The following SYTL2 variants were observed in gnomAD, a reference collection of about 807,000 sequenced individuals.
SYTL2 encodes the protein synaptotagmin-like protein 2.
Under a neutral mutation model 198.7 loss-of-function variants are expected in SYTL2, and 165 were observed. That is an observed-to-expected ratio of 0.83 (90% CI 0.73 to 0.94). The LOEUF (loss-of-function observed/expected upper bound fraction) is 0.94. Among genes scored for constraint, SYTL2 ranks in the 40% least tolerant of loss-of-function variants. The pLI is 0.00. For synonymous variants in SYTL2, 966 were observed against 917.7 expected (o/e 1.05, Z -0.95); for missense variants, 2,835 against 2,582.8 (o/e 1.10, Z -2.12).
chr11:85,752,998 C>T (rs542051588), intron 2 of SYTL2, among the ~76,000 whole-genome samples: 76 of 121,190 alleles, frequency 6.3e-4, no homozygotes, highest in African/African-American at 1.2e-3. Flanking sequence ...GATGTGGTGG[C>T]GGTTGAGATC....
Position 85,726,051 on chromosome 11 carries a change from A to C in SYTL2, c.3307T>G (p.Phe1103Val), listed in dbSNP as rs1312365387. ...KNTEGIVTPV[F>V]KEEKDYSEQE... Reference sequence around the variant, plus strand: ...TCTGAGTAATCCTTTTCTTCCTTAAACACTGGAGTAACAATCCCTTCCGTA... The same window carrying C: ...TCTGAGTAATCCTTTTCTTCCTTAACCACTGGAGTAACAATCCCTTCCGTA... The change falls in exon 8 of 20, where the codon TTT (phenylalanine) becomes GTT (valine). Residue 1103 changes from phenylalanine to valine, a missense_variant. Physicochemically the swap from Phe to Val is conservative, Grantham distance 50 (BLOSUM62 -1). Coordinates refer to ENST00000359152, the MANE Select transcript of SYTL2 (RefSeq NM_206927.4). 2.5e-6 allele frequency: 4 copies of C among 1,612,764 alleles called. No individual in the cohort carries two copies. The highest frequency in any genetic ancestry group is 3.4e-6 in the Non-Finnish European group (4 of 1,179,540).
intron 1 of SYTL2, among the ~76,000 whole-genome samples, chr11:85,773,898 A>C (rs1364998786): frequency 3.9e-5 from 6 of 152,196 alleles, no homozygotes; most frequent in Non-Finnish European, 1.5e-5. Flanking sequence ...CCTCTCTTTA[A>C]ACCAACTAAA....
At chr11:85,833,887 C>T in the SYTL2 span, among the ~76,000 whole-genome samples, 4 of 151,876 alleles carry the variant, frequency 2.6e-5, no homozygotes, top group African/African-American at 9.7e-5. Context: ...TACAAGCATA[C>T]GTCACCATGC....
chr11:85,827,273 G>A, the SYTL2 span, among the ~76,000 whole-genome samples: 1 of 152,146 alleles, frequency 6.6e-6, no homozygotes, highest in Non-Finnish European at 1.5e-5. Context: ...GCCCCTAGGT[G>A]GACCCCACTG....
Position 85,700,651 on chromosome 11 carries a change from T to C in SYTL2, c.6190-58A>G, listed in dbSNP as rs1348900306. ...ACAAACTTTTCATCCTGTTTGTTGGTATAGGTCTCATTACAGAACCATATC... is the reference window on the plus strand; with the variant it reads ...ACAAACTTTTCATCCTGTTTGTTGGCATAGGTCTCATTACAGAACCATATC... On this transcript the variant is annotated intron_variant, in intron 16 of 19. Transcript: ENST00000359152. 3.1e-6 allele frequency: 4 copies of C among 1,292,514 alleles called. No individual in the cohort carries two copies. In the Admixed American group the frequency reaches 6.7e-5, roughly 22 times the overall value. The allele number at this position is 1,292,514 out of a possible 1,614,324, so 80.1% of individuals were successfully genotyped here. A position where few individuals can be genotyped will look rare whatever the true frequency, so the allele number is the denominator to read the frequency against.
At position 85,717,493 on chromosome 11, in the gene SYTL2, G is replaced by C. The variant is rs371312801; in HGVS notation, c.5520C>G (p.Cys1840Trp). Reference protein sequence around the residue: ...KPDQKPVTNECVPRISTVPTQ... With the variant: ...KPDQKPVTNEWVPRISTVPTQ... ...GATCCTGCTACTCACTTCTTGGTAC[G>C]CATTCATTTGTAACTGGCTTCTGAT... Residue 1840 changes from cysteine to tryptophan, a missense_variant, in exon 11 of 20, where the codon TGC (cysteine) becomes TGG (tryptophan). By Grantham distance (215) the Cys-to-Trp change is radical (BLOSUM62 -2). Transcript: ENST00000359152. 2.5e-6 allele frequency: 4 copies of C among 1,612,348 alleles called. No individual in the cohort carries two copies. The highest frequency in any genetic ancestry group is 1.3e-5 in the African/African-American group (1 of 74,970).
intron 6 of SYTL2, 77 bp downstream of exon 6, chr11:85,736,424 A>G (rs1199323241): frequency 1.3e-6 from 1 of 741,008 alleles, no homozygotes; most frequent in Non-Finnish European, 2.2e-6. Flanking sequence ...TTATTTGAGC[A>G]AAAGGAACTC....
At chr11:85,820,737 A>C in the SYTL2 span, among the ~76,000 whole-genome samples, 1 of 152,238 alleles carries the variant, frequency 6.6e-6, no homozygotes, top group Non-Finnish European at 1.5e-5. Context: ...ATTCCTCAGC[A>C]CTGGGAAACA....
the SYTL2 span, among the ~76,000 whole-genome samples, chr11:85,834,382 G>T: frequency 2.0e-5 from 3 of 151,924 alleles, no homozygotes; most frequent in South Asian, 6.2e-4. Context: ...AGTCAAATCT[G>T]TCCATCCTTT....
At chr11:85,733,861 A>G (rs2090078715) in intron 7 of SYTL2, 78 bp downstream of exon 7, 2 of 1,184,798 alleles carry the variant, frequency 1.7e-6, no homozygotes, top group South Asian at 2.8e-5. Flanking sequence ...GGCCTCCCAA[A>G]GTGCTGGGAT....
At chr11:85,718,728 C>T (rs2087776998) in intron 10 of SYTL2, 62 bp downstream of exon 10, 3 of 1,522,864 alleles carry the variant, frequency 2.0e-6, no homozygotes, top group Non-Finnish European at 2.7e-6. Context: ...GTCCCGGAGA[C>T]TGCCCAAATC....
chr11:85,832,004 T>C, the SYTL2 span, among the ~76,000 whole-genome samples: 1 of 151,636 alleles, frequency 6.6e-6, no homozygotes, highest in African/African-American at 2.4e-5. Flanking sequence ...TCTGGAATAA[T>C]TCATTAATTA....
the SYTL2 span, among the ~76,000 whole-genome samples, chr11:85,840,355 G>T: frequency 6.6e-6 from 1 of 152,138 alleles, no homozygotes; most frequent in Non-Finnish European, 1.5e-5. Flanking sequence ...ACTCAAGAAA[G>T]CATTGCCCAG....
upstream of SYTL2, among the ~76,000 whole-genome samples, chr11:85,814,590 T>C (rs868524635): frequency 5.9e-5 from 9 of 152,194 alleles, no homozygotes; most frequent in Non-Finnish European, 4.4e-5. Context: ...GTTTGCAGAA[T>C]TGAGTATGAC....
intron 15 of SYTL2, 29 bp from the exon 16 acceptor site, chr11:85,705,057 T>C (rs977171402): frequency 1.3e-6 from 2 of 1,551,468 alleles, no homozygotes; most frequent in Admixed American, 3.4e-5. Context: ...AATTAAATGA[T>C]GAAAAACATT....
chr11:85,848,945 T>C, the SYTL2 span, among the ~76,000 whole-genome samples: 1 of 152,206 alleles, frequency 6.6e-6, no homozygotes, highest in Non-Finnish European at 1.5e-5. Flanking sequence ...TTATTTAAGT[T>C]AAACTTGGTT....
chr11:85,744,939 C>A (rs1228115014), intron 4 of SYTL2, among the ~76,000 whole-genome samples: 2 of 152,080 alleles, frequency 1.3e-5, no homozygotes, highest in Non-Finnish European at 2.9e-5. Context: ...CAAAGATGTA[C>A]AAATGTACAT....
At chr11:85,844,370 A>G in the SYTL2 span, among the ~76,000 whole-genome samples, 1 of 152,092 alleles carries the variant, frequency 6.6e-6, no homozygotes, top group African/African-American at 2.4e-5. Flanking sequence ...AATGGAGCAC[A>G]GTACCTTGGG....
intron 10 of SYTL2, among the ~76,000 whole-genome samples, chr11:85,718,009 A>C (rs527635318): frequency 6.6e-6 from 1 of 152,206 alleles, no homozygotes; most frequent in Non-Finnish European, 1.5e-5. Flanking sequence ...GTAAAGAATG[A>C]CCTTTAAGGA....
Sources: allele counts gnomAD v4.1 joint callset (sites outside exome capture counted in the v4.1 genomes callset), GRCh38; gene constraint gnomAD v4.1.1; transcripts MANE v1.5; gene names NCBI Gene and HGNC (gene_info 2026-07-23, HGNC 2026-07-21).